Variants in PREX2 observed in about 807,000 individuals in gnomAD.
PREX2 encodes phosphatidylinositol-3,4,5-trisphosphate dependent Rac exchange factor 2.
In PREX2, 107 loss-of-function variants were observed where a neutral mutation model predicts 203.2. That is an observed-to-expected ratio of 0.53 (90% CI 0.45 to 0.62). The LOEUF (loss-of-function observed/expected upper bound fraction) is 0.62. Ranked by LOEUF, PREX2 falls within the 20% of genes least tolerant of loss-of-function variation. The pLI is 0.00. For synonymous variants in PREX2, 672 were observed against 663.6 expected (o/e 1.01, Z -0.19); for missense variants, 1,777 against 1,955.9 (o/e 0.91, Z 1.72).
chr8:68,079,031 G>C (rs1434849410), intron 15 of PREX2, among the ~76,000 whole-genome samples: 1 of 152,096 alleles, frequency 6.6e-6, no homozygotes, highest in Non-Finnish European at 1.5e-5. Flanking sequence ...ATCTAAAATA[G>C]GTTCTGAGCT....
chr8:68,012,557 T>A (rs987484048), intron 1 of PREX2, among the ~76,000 whole-genome samples: 11 of 152,134 alleles, frequency 7.2e-5, no homozygotes, highest in Non-Finnish European at 1.6e-4. Context: ...TTTATTTGAG[T>A]AATTCAGGTG....
chr8:68,022,637 C>CA (rs1807604046), intron 4 of PREX2, among the ~76,000 whole-genome samples: 1 of 152,104 alleles, frequency 6.6e-6, no homozygotes, highest in African/African-American at 2.4e-5. Context: ...TTTTGGCTGT[C>CA]ACGGGCAAAC....
intron 23 of PREX2, among the ~76,000 whole-genome samples, chr8:68,103,914 G>A (rs377121603): frequency 6.6e-6 from 1 of 152,086 alleles, no homozygotes; most frequent in South Asian, 2.1e-4. Context: ...ATCCTCTGGC[G>A]ATCTCATTCA....
At chr8:68,230,757 G>A (rs1585879425) in intron 39 of PREX2, among the ~76,000 whole-genome samples, 1 of 152,260 alleles carries the variant, frequency 6.6e-6, no homozygotes, top group East Asian at 1.9e-4. Flanking sequence ...AGTCGGGTGA[G>A]TGGGCCCTGG....
In PREX2 at chr8:68,112,084, C is replaced by T. The variant is rs540734253; in HGVS notation, c.3146+2461C>T. On this transcript the variant is annotated intron_variant, in intron 25 of 39. Coordinates refer to ENST00000288368, the MANE Select transcript of PREX2 (RefSeq NM_024870.4). ...CTTAGAAATGAAATTTCCTTTAACA[C>T]ATAGGCATTTCACTAAATCCTCCTA... 4.9e-4 allele frequency among the ~76,000 whole-genome samples: 74 copies of T among 152,260 alleles called. 1 individual carries two copies. Among genetic ancestry groups the T allele is most frequent in the Middle Eastern group, 6.8e-3 (2 of 294 alleles).
chr8:67,972,180 C>A (rs1461547989), intron 1 of PREX2, among the ~76,000 whole-genome samples: 2 of 152,178 alleles, frequency 1.3e-5, no homozygotes, highest in African/African-American at 4.8e-5. Context: ...GGTGTCTTTA[C>A]TTTTGGCTGA....
At chr8:68,215,577 C>G (rs148446413) in intron 37 of PREX2, among the ~76,000 whole-genome samples, 538 of 152,094 alleles carry the variant, frequency 3.5e-3, no homozygotes, top group African/African-American at 0.013. Flanking sequence ...CGCTGTCGCC[C>G]AGGCTTGAAT....
chr8:68,224,522 A>G (rs1376289281), intron 38 of PREX2, 37 bp from the exon 39 acceptor site: 3 of 1,510,344 alleles, frequency 2.0e-6, no homozygotes, highest in African/African-American at 1.4e-5. Context: ...TATTACTAAC[A>G]CACTGTAGGG....
chr8:68,188,322 A>G (rs1161037665), intron 35 of PREX2, among the ~76,000 whole-genome samples: 1 of 152,222 alleles, frequency 6.6e-6, no homozygotes, highest in East Asian at 1.9e-4. Flanking sequence ...CTAAATAAAA[A>G]TAATTTAAAA....
intron 35 of PREX2, among the ~76,000 whole-genome samples, chr8:68,173,472 G>GTGA (rs1465574013): frequency 6.6e-6 from 1 of 152,170 alleles, no homozygotes; most frequent in Non-Finnish European, 1.5e-5. Context: ...TACTGAGAAT[G>GTGA]TGATATAACT....
chr8:68,002,860 A>C (rs1806982937), intron 1 of PREX2, among the ~76,000 whole-genome samples: 1 of 152,172 alleles, frequency 6.6e-6, no homozygotes, highest in Non-Finnish European at 1.5e-5. Flanking sequence ...TAGTTTGCAG[A>C]CTGGTTAAAT....
rs1047342765 is a variant in PREX2, at chr8:68,236,588, T to C, written c.*5210T>C. ...TAGAAAATATGCATTTGAATTTGAATATCTAATGCCTCAAGCAAATTTATT... is the reference window on the plus strand; with the variant it reads ...TAGAAAATATGCATTTGAATTTGAACATCTAATGCCTCAAGCAAATTTATT... On this transcript the variant is annotated 3_prime_UTR_variant, in exon 40 of 40. Transcript: ENST00000288368. 5 of 152,184 alleles carry C rather than the reference T, an allele frequency of 3.3e-5. No individual in the cohort carries two copies. The highest frequency in any genetic ancestry group is 1.2e-4 in the African/African-American group (5 of 41,452). The allele number at this position is 152,184 out of a possible 1,614,324, so 9.4% of individuals were successfully genotyped here.
chr8:68,077,254 A>C (rs1471118027), intron 14 of PREX2, 143 bp from the exon 15 acceptor site: 6 of 646,926 alleles, frequency 9.3e-6, no homozygotes, highest in Non-Finnish European at 1.7e-5. Flanking sequence ...TGTAACAATT[A>C]GATGCATTCT....
rs901503686 is a variant in PREX2 at position 68,234,492 on chromosome 8, T to C, written c.*3114T>C. ...TAAGCATTCTATTATCTCCTATAAT[T>C]TTTTCTAATATTAATTCCAAATATT... On this transcript the variant is annotated 3_prime_UTR_variant, in exon 40 of 40. Coordinates refer to ENST00000288368, the MANE Select transcript of PREX2 (RefSeq NM_024870.4). The C allele has an allele frequency of 2.0e-5, 3 of 152,134 alleles. No individual in the cohort carries two copies. Among genetic ancestry groups the C allele is most frequent in the African/African-American group, 7.2e-5 (3 of 41,436 alleles). 9.4% of individuals were successfully genotyped at this position (152,134 alleles called of 1,614,324 possible). A position where few individuals can be genotyped will look rare whatever the true frequency, so the allele number is the denominator to read the frequency against.
At chr8:68,196,475 G>GTACATAT (rs1240309873) in intron 37 of PREX2, among the ~76,000 whole-genome samples, 4 of 145,520 alleles carry the variant, frequency 2.7e-5, no homozygotes, top group African/African-American at 1.0e-4. Flanking sequence ...CTATATATAT[G>GTACATAT]TACATATATA....
intron 1 of PREX2, among the ~76,000 whole-genome samples, chr8:67,955,147 C>CAAAAAAAAAAAAAAAAAAAAAAAAAAA (rs1183491822): frequency 3.9e-5 from 2 of 51,908 alleles, no homozygotes; most frequent in Non-Finnish European, 6.9e-5. Context: ...GACTCCATCT[C>CAAAAAAAAAAAAAAAAAAAAAAAAAAA]AAAAAAAAAA....
chr8:67,952,344 G>C lies in PREX2; in HGVS notation c.-51G>C. ...GGGGCCGGGCAGCAGCGGGCGCGCG[G>C]GTCAGCGCTCAGCACGGCGGGCAGC... On this transcript the variant is annotated 5_prime_UTR_variant, in exon 1 of 40. Coordinates refer to ENST00000288368, the MANE Select transcript of PREX2 (RefSeq NM_024870.4). 1.4e-6 allele frequency: 2 copies of C among 1,412,874 alleles called. No homozygotes were observed. The highest frequency in any genetic ancestry group is 3.2e-5 in the South Asian group (2 of 62,456). 87.5% of individuals were successfully genotyped at this position (1,412,874 alleles called of 1,614,324 possible).
intron 6 of PREX2, among the ~76,000 whole-genome samples, chr8:68,032,574 G>A (rs1286804606): frequency 6.6e-6 from 1 of 152,142 alleles, no homozygotes; most frequent in Non-Finnish European, 1.5e-5. Context: ...CCCCATCGAG[G>A]GGGGAACTTG....
At chr8:68,182,332 A>G (rs1031594856) in intron 35 of PREX2, among the ~76,000 whole-genome samples, 2 of 152,094 alleles carry the variant, frequency 1.3e-5, no homozygotes, top group Non-Finnish European at 2.9e-5. Context: ...TGTGACTTGC[A>G]AGGGAGACCC....
Sources: gnomAD v4.1 joint callset for allele counts (sites outside exome capture counted in the v4.1 genomes callset) on GRCh38, gnomAD v4.1.1 for gene constraint, MANE v1.5 for transcripts, NCBI Gene and HGNC (gene_info 2026-07-23, HGNC 2026-07-21) for gene names.